PIP4K2A: variants seen among roughly 807,000 people sequenced by gnomAD.
The protein encoded by PIP4K2A is phosphatidylinositol 5-phosphate 4-kinase type-2 alpha.
PIP4K2A carries 14 observed loss-of-function variants against 42.9 expected under a neutral mutation model. The ratio of observed to expected loss-of-function variants is 0.33; its 90% CI spans 0.22 to 0.51. The LOEUF (loss-of-function observed/expected upper bound fraction) is 0.51. PIP4K2A is among the 20% of genes least tolerant of loss of function. The probability of loss-of-function intolerance (pLI) is 0.97; values close to 1 mark genes in which losing one functional copy is unlikely to be tolerated. For synonymous variants in PIP4K2A, 192 were observed against 192.2 expected (o/e 1.00, Z 0.01); for missense variants, 434 against 519.8 (o/e 0.83, Z 1.61).
At chr10:22,637,089 A>T (rs1411205024) in intron 1 of PIP4K2A, among the ~76,000 whole-genome samples, 2 of 152,250 alleles carry the variant, frequency 1.3e-5, no homozygotes, top group African/African-American at 2.4e-5. Flanking sequence ...TTAAAGATGG[A>T]GGCAATGTAT....
rs544064737 is a variant in PIP4K2A, at chr10:22,646,953, C to A, written c.145-37236G>T. Among the ~76,000 whole-genome samples the A allele has an allele frequency of 6.0e-3, 900 of 150,012 alleles. 11 individuals carry two copies. The highest frequency in any genetic ancestry group is 0.021 in the African/African-American group (861 of 40,670). ...AAACAAAAAACAAAACAAAACAAAA[C>A]AAAACAAAAAAAAACAAACCAGGAT... On this transcript the variant is annotated intron_variant, in intron 1 of 9. Coordinates refer to ENST00000376573, the MANE Select transcript of PIP4K2A (RefSeq NM_005028.5).
Position 22,536,728 on chromosome 10 carries a change from A to AAAAAAAAAAACAAAACAAAC in PIP4K2A, c.*472_*473insGTTTGTTTTGTTTTTTTTTT, listed in dbSNP as rs1156629904. 14 of 149,538 alleles carry AAAAAAAAAAACAAAACAAAC rather than the reference A, an allele frequency of 9.4e-5. No homozygotes were observed. Among genetic ancestry groups the AAAAAAAAAAACAAAACAAAC allele is most frequent in the Non-Finnish European group, 1.9e-4 (13 of 67,388 alleles). 9.3% of individuals were successfully genotyped at this position (149,538 alleles called of 1,614,324 possible). ...TCTTTCAACTCCAAAAAAAAAAAAA[A>AAAAAAAAAAACAAAACAAAC]AAAAAAAAAACTGATCCACAGTTTG... On this transcript the variant is annotated 3_prime_UTR_variant, in exon 10 of 10. Coordinates refer to ENST00000376573, the MANE Select transcript of PIP4K2A (RefSeq NM_005028.5).
intron 1 of PIP4K2A, among the ~76,000 whole-genome samples, chr10:22,656,211 G>A (rs1011358072): frequency 2.6e-5 from 4 of 152,156 alleles, no homozygotes; most frequent in Admixed American, 2.6e-4. Flanking sequence ...GGCTGTTCCC[G>A]CTCCTCCACA....
At chr10:22,707,629 C>T (rs1023211059) in intron 1 of PIP4K2A, among the ~76,000 whole-genome samples, 1 of 152,112 alleles carries the variant, frequency 6.6e-6, no homozygotes, top group Admixed American at 6.5e-5. Context: ...TGAGCTTGGC[C>T]CAGGCAGCAC....
At chr10:22,596,051 C>G (rs1190789278) in intron 3 of PIP4K2A, among the ~76,000 whole-genome samples, 1 of 149,904 alleles carries the variant, frequency 6.7e-6, no homozygotes, top group African/African-American at 2.5e-5. Context: ...ACTAAAAATA[C>G]AAAATTATGC....
At chr10:22,575,225 A>G (rs951941267) in intron 4 of PIP4K2A, among the ~76,000 whole-genome samples, 3 of 152,254 alleles carry the variant, frequency 2.0e-5, no homozygotes, top group African/African-American at 7.2e-5. Context: ...CTCTGTTAAG[A>G]AATTTTAATG....
At chr10:22,703,507 A>G (rs1833755404) in intron 1 of PIP4K2A, among the ~76,000 whole-genome samples, 1 of 152,236 alleles carries the variant, frequency 6.6e-6, no homozygotes, top group African/African-American at 2.4e-5. Context: ...GCCTTTAGGA[A>G]CAGAAAAAGC....
chr10:22,591,953 T>C (rs1174439030), intron 3 of PIP4K2A, among the ~76,000 whole-genome samples, 172 bp from the exon 4 acceptor site: 1 of 152,242 alleles, frequency 6.6e-6, no homozygotes, highest in African/African-American at 2.4e-5. Flanking sequence ...TAACTCACAT[T>C]GCAAGCCTTT....
chr10:22,582,141 G>A (rs1248738564), intron 4 of PIP4K2A, among the ~76,000 whole-genome samples: 2 of 151,404 alleles, frequency 1.3e-5, no homozygotes, highest in African/African-American at 2.4e-5. Context: ...AAATGATGTC[G>A]TCAACAAAGG....
intron 1 of PIP4K2A, among the ~76,000 whole-genome samples, chr10:22,703,493 G>C (rs1833755136): frequency 6.6e-6 from 1 of 152,186 alleles, no homozygotes; most frequent in African/African-American, 2.4e-5. Flanking sequence ...GCTGCTCTGA[G>C]CTTGCCTTTA....
chr10:22,660,136 C>CCAGCAAGT (rs1839175267), intron 1 of PIP4K2A, among the ~76,000 whole-genome samples: 2 of 152,264 alleles, frequency 1.3e-5, no homozygotes, highest in Admixed American at 6.5e-5. Context: ...CCCCAGCACC[C>CCAGCAAGT]ACTCCTTGCT....
At chr10:22,661,138 A>C (rs146240961) in intron 1 of PIP4K2A, among the ~76,000 whole-genome samples, 1 of 152,240 alleles carries the variant, frequency 6.6e-6, no homozygotes, top group Non-Finnish European at 1.5e-5. Flanking sequence ...GTTAATCCAC[A>C]TTGTTAGAGT....
chr10:22,668,096 C>T (rs1307012165), intron 1 of PIP4K2A, among the ~76,000 whole-genome samples: 1 of 152,014 alleles, frequency 6.6e-6, no homozygotes, highest in Admixed American at 6.6e-5. Context: ...GGACTATAGG[C>T]GCGTGCTACC....
At chr10:22,617,302 ATAAG>A (rs546525932) in intron 1 of PIP4K2A, among the ~76,000 whole-genome samples, 34 of 152,388 alleles carry the variant, frequency 2.2e-4, no homozygotes, top group African/African-American at 7.2e-4. Flanking sequence ...CAAGGAATAA[ATAAG>A]TGAGACCCAG....
intron 1 of PIP4K2A, among the ~76,000 whole-genome samples, chr10:22,690,286 G>C (rs1340084783): frequency 6.6e-6 from 1 of 152,134 alleles, no homozygotes; most frequent in Non-Finnish European, 1.5e-5. Flanking sequence ...TAATTCACTT[G>C]CCCAAGGTCA....
intron 1 of PIP4K2A, among the ~76,000 whole-genome samples, chr10:22,713,599 T>C (rs1833955190): frequency 6.6e-6 from 1 of 152,196 alleles, no homozygotes; most frequent in Non-Finnish European, 1.5e-5. Context: ...TTGTGCCCAG[T>C]AATATTGCCT....
intron 7 of PIP4K2A, 36 bp from the exon 8 acceptor site, chr10:22,542,083 C>T: frequency 6.4e-7 from 1 of 1,554,240 alleles, no homozygotes; most frequent in Non-Finnish European, 8.7e-7. Flanking sequence ...TCAGCCACAC[C>T]TTAAACATAA....
intron 1 of PIP4K2A, among the ~76,000 whole-genome samples, chr10:22,612,002 A>C (rs1029080845): frequency 6.6e-6 from 1 of 152,246 alleles, no homozygotes; most frequent in Non-Finnish European, 1.5e-5. Flanking sequence ...GAGTCTTCTC[A>C]GACAGGAAAC....
chr10:22,660,804 T>C (rs1839191834), intron 1 of PIP4K2A, among the ~76,000 whole-genome samples: 2 of 151,228 alleles, frequency 1.3e-5, no homozygotes, highest in Non-Finnish European at 2.9e-5. Context: ...AGAAAATGTA[T>C]AGTACTTTAA....
Sources: gnomAD v4.1 joint callset for allele counts (sites outside exome capture counted in the v4.1 genomes callset) on GRCh38, gnomAD v4.1.1 for gene constraint, MANE v1.5 for transcripts, NCBI Gene and HGNC (gene_info 2026-07-23, HGNC 2026-07-21) for gene names.